FHAD1: variants seen among roughly 807,000 people sequenced by gnomAD.
FHAD1 encodes forkhead-associated domain-containing protein 1.
A neutral mutation model predicts 191.3 loss-of-function variants in FHAD1; 146 were observed. That is an observed-to-expected ratio of 0.76 (90% confidence interval 0.67 to 0.88). FHAD1 has a LOEUF of 0.88. Ranked by LOEUF, FHAD1 falls within the 40% of genes least tolerant of loss-of-function variation. The pLI is 0.00. For missense variants in FHAD1, 1,635 were observed against 1,785.8 expected, an observed-to-expected ratio of 0.92 and a Z score of 1.52; for synonymous variants, 616 against 672.3, an observed-to-expected ratio of 0.92 and a Z score of 1.29.
At chr1:15,375,389 C>T (rs1014002512) in intron 27 of FHAD1, among the ~76,000 whole-genome samples, 3 of 152,122 alleles carry the variant, frequency 2.0e-5, no homozygotes, top group Admixed American at 6.5e-5. Context: ...TCAATGGTCT[C>T]GGCGCTGATA....
chr1:15,344,695 G>A (rs185078746), intron 16 of FHAD1, among the ~76,000 whole-genome samples: 1 of 152,320 alleles, frequency 6.6e-6, no homozygotes, highest in Admixed American at 6.5e-5. Flanking sequence ...TAAACTGGGT[G>A]GATTCTTGAA....
In FHAD1 at chr1:15,353,000, AG is replaced by A. The variant is rs1691408531; in HGVS notation, c.2562+19del. On this transcript the variant is annotated intron_variant, in intron 20 of 33. Transcript: ENST00000688493. ...GCAGAAAGAGGTATGAGCCGCAGGG[AG>A]GGAGAGACGAGAGGGGCCCAGCACA... is the stretch of plus-strand genomic sequence containing the variant. The A allele has an allele frequency of 3.3e-6, 5 of 1,536,754 alleles. No homozygotes were observed. Among genetic ancestry groups the A allele is most frequent in the Non-Finnish European group, 3.5e-6 (4 of 1,133,934 alleles).
chr1:15,361,047 C>G (rs530283238), intron 22 of FHAD1, among the ~76,000 whole-genome samples: 38 of 152,284 alleles, frequency 2.5e-4, no homozygotes, highest in African/African-American at 9.1e-4. Context: ...TCAAAGGTTT[C>G]TCTCTGCCAT....
chr1:15,328,155 T>G (rs1679626160), intron 12 of FHAD1, 122 bp from the exon 13 acceptor site: 1 of 719,900 alleles, frequency 1.4e-6, no homozygotes, highest in Non-Finnish European at 2.1e-6. Context: ...ACCTCTGTCC[T>G]CCCGTGCTTA....
chr1:15,379,093 CACAGAG>C (rs541737965), intron 28 of FHAD1, among the ~76,000 whole-genome samples: 5,765 of 152,124 alleles, frequency 0.038, 343 homozygotes, highest in African/African-American at 0.13. Context: ...AAGAAAAAGA[CACAGAG>C]ACAAAGTATA....
chr1:15,289,524 A>G lies in FHAD1; in HGVS notation c.426A>G (p.Ala142=), dbSNP rs1663730961. The G allele has an allele frequency of 6.4e-7, 1 of 1,551,798 alleles. No homozygotes were observed. ...CCTTCCACCAAGGTGTCCAGCCAGC[A>G]CCGATGCAAAGGAGCTGGTCCCAGG... The part of the protein sequence containing the change: ...HIPFHQGVQP[A]PMQRSWSQAF... The change falls in exon 4 of 34, where the codon GCA becomes GCG. Residue 142 remains alanine, a synonymous_variant. Transcript: ENST00000688493. The surrounding 1 kb of genome is among the most constrained non-coding windows in gnomAD (Gnocchi z 4.2).
In FHAD1 at chr1:15,311,126, C is replaced by T. The variant is rs1367456636; in HGVS notation, c.1040-1931C>T. ...GCTGGCTTGCGCTGGAGAGAGTTTCCAGACCACAGCAGGGAGGGGAAGCCA... is the reference window on the plus strand; with the variant it reads ...GCTGGCTTGCGCTGGAGAGAGTTTCTAGACCACAGCAGGGAGGGGAAGCCA... On this transcript the variant is annotated intron_variant, in intron 7 of 33. Transcript: ENST00000688493. This position sits in a 1 kb window ranked among gnomAD's most constrained non-coding sequence, Gnocchi z 4.1. Among the ~76,000 whole-genome samples, 1 of 152,162 alleles carries T rather than the reference C, an allele frequency of 6.6e-6. No homozygotes were observed. The highest frequency in any genetic ancestry group is 1.5e-5 in the Non-Finnish European group (1 of 68,032).
intron 2 of FHAD1, 55 bp from the exon 3 acceptor site, chr1:15,272,268 G>C: frequency 6.7e-7 from 1 of 1,487,326 alleles, no homozygotes; most frequent in Non-Finnish European, 9.2e-7. Context: ...CAAAACATTA[G>C]GGGCCGTGTC....
chr1:15,316,249 G>T lies in FHAD1; in HGVS notation c.1171-129G>T. 1 of 711,742 alleles carries T rather than the reference G, an allele frequency of 1.4e-6. No homozygotes were observed. Among genetic ancestry groups the T allele is most frequent in the Non-Finnish European group, 2.4e-6 (1 of 415,978 alleles). 44.1% of individuals were successfully genotyped at this position (711,742 alleles called of 1,614,324 possible). A position where few individuals can be genotyped will look rare whatever the true frequency, so the allele number is the denominator to read the frequency against. ...CCATGGGATGCCTTTTGGGATCTCA[G>T]TGCGTGACTGGATGGAAACAGCAGG... On this transcript the variant is annotated intron_variant, in intron 8 of 33. Coordinates refer to ENST00000688493, the MANE Select transcript of FHAD1 (RefSeq NM_001391957.1). This position sits in a 1 kb window ranked among gnomAD's most constrained non-coding sequence, Gnocchi z 4.3.
chr1:15,277,393 A>G (rs1658781374), intron 3 of FHAD1, among the ~76,000 whole-genome samples: 1 of 152,122 alleles, frequency 6.6e-6, no homozygotes, highest in Non-Finnish European at 1.5e-5. Flanking sequence ...TCAGTTTCCA[A>G]CTTTTGCCGG....
downstream of FHAD1, among the ~76,000 whole-genome samples, chr1:15,399,333 G>T (rs1706891820): frequency 6.6e-6 from 1 of 152,134 alleles, no homozygotes; most frequent in African/African-American, 2.4e-5. Flanking sequence ...TTGAGAGGCT[G>T]AGGCAGGAGG....
Position 15,367,594 on chromosome 1 carries a change from G to A in FHAD1, c.3286G>A (p.Glu1096Lys). 6.7e-7 allele frequency: 1 copy of A among 1,499,872 alleles called. No individual in the cohort carries two copies. Among genetic ancestry groups the A allele is most frequent in the African/African-American group, 1.4e-5 (1 of 70,892 alleles). The allele number at this position is 1,499,872 out of a possible 1,614,324, so 92.9% of individuals were successfully genotyped here. Residue 1096 changes from glutamate to lysine, a missense_variant, in exon 25 of 34, where the codon GAG becomes AAG. Physicochemically the swap from Glu to Lys is moderately conservative, Grantham distance 56. Transcript: ENST00000688493. The part of the protein sequence containing the change: ...MSSLVEKKDR[E>K]LKALEEALRA... ...CAGCCTGGTAGAAAAGAAAGATCGGGAGCTGAAGGCCCTTGAGGAGGCACT... is the reference window on the plus strand; with the variant it reads ...CAGCCTGGTAGAAAAGAAAGATCGGAAGCTGAAGGCCCTTGAGGAGGCACT...
At position 15,345,095 on chromosome 1, in the gene FHAD1, T is replaced by G; in HGVS notation, c.2143T>G (p.Tyr715Asp). ...LTEEKAALEE[Y>D]ITQERNRAKE... Reference sequence around the variant, plus strand: ...CATTGGTTTCCAGGCTTTGGAGGAGTACATTACTCAAGAGAGAAACAGAGC... The same window carrying G: ...CATTGGTTTCCAGGCTTTGGAGGAGGACATTACTCAAGAGAGAAACAGAGC... Residue 715 changes from tyrosine (Y) to aspartate (D), a missense_variant, in exon 17 of 34, where the codon TAC (tyrosine) becomes GAC (aspartate). Transcript: ENST00000688493. The G allele has an allele frequency of 6.5e-7, 1 of 1,548,678 alleles. No individual in the cohort carries two copies.
rs916859779 is a variant in FHAD1 at position 15,311,682 on chromosome 1, T to C, written c.1040-1375T>C. 6.6e-6 allele frequency among the ~76,000 whole-genome samples: 1 copy of C among 152,206 alleles called. No homozygotes were observed. Among genetic ancestry groups the C allele is most frequent in the Non-Finnish European group, 1.5e-5 (1 of 68,030 alleles). On this transcript the variant is annotated intron_variant, in intron 7 of 33. Coordinates refer to ENST00000688493, the MANE Select transcript of FHAD1 (RefSeq NM_001391957.1). The surrounding 1 kb of genome is among the most constrained non-coding windows in gnomAD (Gnocchi z 4.1). ...TACCCACCAATAAAACTAGGATGAA[T>C]GTTTTTCTAAGAAAAGGACCGTATG... is the stretch of plus-strand genomic sequence containing the variant.
intron 2 of FHAD1, among the ~76,000 whole-genome samples, chr1:15,253,658 A>G (rs1647059301): frequency 6.6e-6 from 1 of 152,252 alleles, no homozygotes; most frequent in African/African-American, 2.4e-5. Context: ...TGATTTTAGT[A>G]TGCTTATATG....
At chr1:15,366,051 G>A (rs1466081466) in intron 24 of FHAD1, 118 bp downstream of exon 24, 3 of 651,680 alleles carry the variant, frequency 4.6e-6, no homozygotes, top group Non-Finnish European at 7.8e-6. Flanking sequence ...ACTTTGGGAG[G>A]CCAAGGCAGT....
chr1:15,295,240 A>G (rs1666533800), intron 4 of FHAD1, among the ~76,000 whole-genome samples: 1 of 152,182 alleles, frequency 6.6e-6, no homozygotes, highest in African/African-American at 2.4e-5. Flanking sequence ...CTTACAAAAT[A>G]TGATATGAAT....
upstream of FHAD1, among the ~76,000 whole-genome samples, chr1:15,243,831 T>C (rs1286550867): frequency 4.6e-5 from 7 of 152,238 alleles, no homozygotes; most frequent in Admixed American, 6.5e-5. Context: ...CATCTTGTGA[T>C]TGTGACAGCT....
At chr1:15,266,612 T>C (rs751678730) in intron 2 of FHAD1, among the ~76,000 whole-genome samples, 1 of 152,144 alleles carries the variant, frequency 6.6e-6, no homozygotes, top group Admixed American at 6.5e-5. Context: ...AGCCCAGAGT[T>C]TACATTAGGA....
Sources: allele counts gnomAD v4.1 joint callset (sites outside exome capture counted in the v4.1 genomes callset), GRCh38; gene constraint gnomAD v4.1.1; non-coding constraint Gnocchi (gnomAD v3.1); transcripts MANE v1.5; gene names NCBI Gene and HGNC (gene_info 2026-07-23, HGNC 2026-07-21).